Variants in MCTP1 observed in about 807,000 individuals in gnomAD.
The protein encoded by MCTP1 is multiple C2 and transmembrane domain containing 1, also known as multiple C2 and transmembrane domain-containing protein 1.
In MCTP1, 69 loss-of-function variants were observed where a neutral mutation model predicts 120.6. That is an observed-to-expected ratio of 0.57 (90% confidence interval 0.47 to 0.70). The LOEUF is 0.70. MCTP1 is among the 30% of genes least tolerant of loss of function. The pLI is 0.00. For synonymous variants in MCTP1, 529 were observed against 493.1 expected (o/e 1.07, Z -0.96); for missense variants, 1,203 against 1,248.8 (o/e 0.96, Z 0.55).
chr5:94,730,297 C>T (rs1762887308), intron 19 of MCTP1, among the ~76,000 whole-genome samples: 1 of 152,272 alleles, frequency 6.6e-6, no homozygotes, highest in African/African-American at 2.4e-5. Context: ...ATAGCTGGGA[C>T]CACTGGCACA....
intron 1 of MCTP1, among the ~76,000 whole-genome samples, chr5:95,063,252 CTG>C (rs1211278267): frequency 6.6e-5 from 10 of 152,248 alleles, no homozygotes; most frequent in African/African-American, 2.4e-4. Flanking sequence ...TGGAATGTGA[CTG>C]TGCCGGGGAA....
intron 17 of MCTP1, among the ~76,000 whole-genome samples, chr5:94,854,860 A>C (rs1274620499): frequency 1.3e-5 from 2 of 151,880 alleles, no homozygotes; most frequent in African/African-American, 4.8e-5. Context: ...TTTCTATAAA[A>C]GTGAAACAAA....
At chr5:94,906,343 G>A (rs1806909200) in intron 10 of MCTP1, among the ~76,000 whole-genome samples, 3 of 152,142 alleles carry the variant, frequency 2.0e-5, no homozygotes, top group East Asian at 1.9e-4. Flanking sequence ...AAAATTAGCC[G>A]GGCATGGTGG....
chr5:94,714,656 A>T, intron 20 of MCTP1, 121 bp downstream of exon 20: 7 of 725,536 alleles, frequency 9.6e-6, no homozygotes, highest in Non-Finnish European at 1.7e-5. Flanking sequence ...GATGAAACTG[A>T]GCAATAGAGC....
chr5:95,189,622 C>T (rs570098166), intron 1 of MCTP1, among the ~76,000 whole-genome samples: 5 of 152,164 alleles, frequency 3.3e-5, no homozygotes, highest in African/African-American at 1.2e-4. Flanking sequence ...AAATAGGGCA[C>T]ATTGAATAGG....
At chr5:94,946,943 T>C (rs910906165) in intron 3 of MCTP1, among the ~76,000 whole-genome samples, 1 of 152,244 alleles carries the variant, frequency 6.6e-6, no homozygotes, top group African/African-American at 2.4e-5. Context: ...TGTAGTTGTC[T>C]GGCTGAGTAG....
chr5:94,842,880 G>C (rs897885680), intron 17 of MCTP1, among the ~76,000 whole-genome samples: 5 of 151,912 alleles, frequency 3.3e-5, no homozygotes, highest in African/African-American at 1.2e-4. Context: ...CTGATAAAAG[G>C]GTTTGCTAAA....
chr5:95,202,265 C>T (rs542802533), intron 1 of MCTP1, among the ~76,000 whole-genome samples: 1 of 152,316 alleles, frequency 6.6e-6, no homozygotes, highest in African/African-American at 2.4e-5. Flanking sequence ...GGCTGTCTGA[C>T]CTTTGAACTG....
chr5:94,947,555 A>AATATGTAT (rs1554147609), intron 3 of MCTP1, among the ~76,000 whole-genome samples: 621 of 39,510 alleles, frequency 0.016, 42 homozygotes, highest in East Asian at 0.022. Context: ...TAGTTTACTA[A>AATATGTAT]ATATATATAT....
At chr5:95,227,242 C>T (rs1210046809) in intron 1 of MCTP1, among the ~76,000 whole-genome samples, 1 of 152,100 alleles carries the variant, frequency 6.6e-6, no homozygotes, top group Non-Finnish European at 1.5e-5. Flanking sequence ...TTCCCAATCC[C>T]CCCGAAATTA....
chr5:94,994,992 C>A (rs550989186), intron 2 of MCTP1, among the ~76,000 whole-genome samples: 1 of 152,310 alleles, frequency 6.6e-6, no homozygotes, highest in African/African-American at 2.4e-5. Context: ...ACTGCACTAT[C>A]GGCTTCCTAC....
intron 17 of MCTP1, among the ~76,000 whole-genome samples, chr5:94,820,856 C>A (rs1785473742): frequency 6.6e-6 from 1 of 152,206 alleles, no homozygotes; most frequent in African/African-American, 2.4e-5. Flanking sequence ...GAGTAACATA[C>A]TTAAACCCCA....
intron 7 of MCTP1, among the ~76,000 whole-genome samples, chr5:94,921,760 T>A (rs1037110660): frequency 3.9e-5 from 6 of 152,160 alleles, no homozygotes; most frequent in Non-Finnish European, 8.8e-5. Context: ...GACACAGCAA[T>A]CTCATGGCTC....
At chr5:95,203,989 A>C (rs1751352262) in intron 1 of MCTP1, among the ~76,000 whole-genome samples, 1 of 152,196 alleles carries the variant, frequency 6.6e-6, no homozygotes, top group Non-Finnish European at 1.5e-5. Context: ...ATGTGGATCC[A>C]TTTGTACTTG....
intron 19 of MCTP1, among the ~76,000 whole-genome samples, chr5:94,737,265 T>C (rs376799891): frequency 6.4e-4 from 98 of 152,318 alleles, no homozygotes; most frequent in Non-Finnish European, 4.7e-4. Context: ...GCAAGTAATA[T>C]GCTTTTGCTG....
Position 94,958,574 on chromosome 5 carries a change from G to A in MCTP1, c.839-5213C>T, listed in dbSNP as rs535007581. Among the ~76,000 whole-genome samples, 9 of 152,278 alleles carry A rather than the reference G, an allele frequency of 5.9e-5. No individual in the cohort carries two copies. In the East Asian group the frequency reaches 1.7e-3, roughly 29 times the overall value. On this transcript the variant is annotated intron_variant, in intron 2 of 22. Transcript: ENST00000515393. Reference sequence around the variant, plus strand: ...GAATCAAATAGACGCAATAAAAAATGATAAAGGCAGTATCACCACTGATAT... The same window carrying A: ...GAATCAAATAGACGCAATAAAAAATAATAAAGGCAGTATCACCACTGATAT...
chr5:95,160,781 T>A (rs1745640838), intron 1 of MCTP1, among the ~76,000 whole-genome samples: 1 of 151,758 alleles, frequency 6.6e-6, no homozygotes, highest in African/African-American at 2.4e-5. Flanking sequence ...CCTAATCAAA[T>A]AATGAGCAAA....
intron 1 of MCTP1, among the ~76,000 whole-genome samples, chr5:95,230,865 G>A (rs1189411657): frequency 6.6e-6 from 1 of 151,994 alleles, no homozygotes; most frequent in African/African-American, 2.4e-5. Flanking sequence ...TCTATACTTA[G>A]TTCGTTCATA....
rs568557843 is a variant in MCTP1, at chr5:95,283,745, A to G, written c.720+111T>C. On this transcript the variant is annotated intron_variant, in intron 1 of 22. Transcript: ENST00000515393. ...GTTTCATCTACTTAGAATTAATAGC[A>G]TTTCTCCTCCCGCCTCCCGGCCCCC... 9.3e-5 allele frequency: 74 copies of G among 798,856 alleles called. No homozygotes were observed. The East Asian group carries it at 2.3e-3, about 25-fold the overall frequency. The allele number at this position is 798,856 out of a possible 1,614,324, so 49.5% of individuals were successfully genotyped here.
Sources: allele counts gnomAD v4.1 joint callset (sites outside exome capture counted in the v4.1 genomes callset), GRCh38; gene constraint gnomAD v4.1.1; transcripts MANE v1.5; gene names NCBI Gene and HGNC (gene_info 2026-07-23, HGNC 2026-07-21).